Variants in LINGO2 observed in about 807,000 individuals in gnomAD.
LINGO2 encodes leucine rich repeat and Ig domain containing 2, also known as leucine-rich repeat and immunoglobulin-like domain-containing nogo receptor-interacting protein 2.
Under a neutral mutation model 30.6 loss-of-function variants are expected in LINGO2, and 14 were observed. The observed-to-expected ratio is 0.46, with a 90% CI of 0.30 to 0.72. The LOEUF (loss-of-function observed/expected upper bound fraction) is 0.72, where lower values mean the gene tolerates loss of function less well. LINGO2 is among the 30% of genes least tolerant of loss of function. The pLI is 0.07. For synonymous variants in LINGO2, 317 were observed against 288.5 expected, an observed-to-expected ratio of 1.10 and a Z score of -1.00; for missense variants, 729 against 751.7, an observed-to-expected ratio of 0.97 and a Z score of 0.35.
chr9:28,030,152 GA>G (rs953593140), intron 4 of LINGO2, among the ~76,000 whole-genome samples: 3 of 152,152 alleles, frequency 2.0e-5, no homozygotes, highest in African/African-American at 7.2e-5. Context: ...TTATAGGGAA[GA>G]ATCAAACACT....
the LINGO2 span, among the ~76,000 whole-genome samples, chr9:28,766,581 C>T: frequency 2.6e-5 from 4 of 151,898 alleles, no homozygotes; most frequent in African/African-American, 9.7e-5. Flanking sequence ...TGAATATGTA[C>T]CCCAAAGGAG....
intron 5 of LINGO2, among the ~76,000 whole-genome samples, chr9:28,010,446 AT>A (rs1822497652): frequency 6.6e-6 from 1 of 152,132 alleles, no homozygotes; most frequent in Admixed American, 6.5e-5. Context: ...TTTTTCAAGC[AT>A]TATAATCCCT....
intron 4 of LINGO2, among the ~76,000 whole-genome samples, chr9:28,065,315 T>G (rs1825280429): frequency 6.6e-6 from 1 of 152,098 alleles, no homozygotes; most frequent in Non-Finnish European, 1.5e-5. Flanking sequence ...ATCCCCAGTC[T>G]CTAGAACAAT....
At chr9:28,918,691 T>C in the LINGO2 span, among the ~76,000 whole-genome samples, 1 of 152,198 alleles carries the variant, frequency 6.6e-6, no homozygotes, top group Non-Finnish European at 1.5e-5. Flanking sequence ...AACATATATT[T>C]CAACGTATGC....
Position 28,057,728 on chromosome 9 carries a change from C to G in LINGO2, c.-86-45323G>C, listed in dbSNP as rs575357899. Among the ~76,000 whole-genome samples the G allele has an allele frequency of 2.2e-4, 33 of 151,638 alleles. No homozygotes were observed. The South Asian group carries it at 6.7e-3, about 31-fold the overall frequency. ...GATCAAGAATACGTTCATGTTAACACCAGCTTTTCCACTGCCTACCTGCTT... is the reference window on the plus strand; with the variant it reads ...GATCAAGAATACGTTCATGTTAACAGCAGCTTTTCCACTGCCTACCTGCTT... On this transcript the variant is annotated intron_variant, in intron 4 of 5. Coordinates refer to ENST00000379992, the Ensembl canonical transcript of LINGO2.
intron 2 of LINGO2, among the ~76,000 whole-genome samples, chr9:28,444,733 C>T (rs997567391): frequency 6.6e-6 from 1 of 152,204 alleles, no homozygotes; most frequent in African/African-American, 2.4e-5. Context: ...GGAGCCAGCA[C>T]CTGTGCCGGT....
intron 5 of LINGO2, among the ~76,000 whole-genome samples, chr9:27,956,390 CTT>C (rs1464497222): frequency 6.6e-6 from 1 of 152,148 alleles, no homozygotes; most frequent in Non-Finnish European, 1.5e-5. Flanking sequence ...ATTTTTCTCA[CTT>C]TTAATTGCAT....
At chr9:28,236,910 C>T (rs1282881647) in intron 4 of LINGO2, among the ~76,000 whole-genome samples, 1 of 152,012 alleles carries the variant, frequency 6.6e-6, no homozygotes, top group Non-Finnish European at 1.5e-5. Context: ...GTTTGTAACA[C>T]AAAGGACAAT....
At chr9:28,278,396 T>A (rs551982133) in intron 4 of LINGO2, among the ~76,000 whole-genome samples, 1 of 152,312 alleles carries the variant, frequency 6.6e-6, no homozygotes, top group African/African-American at 2.4e-5. Flanking sequence ...AGGATTTTCA[T>A]AGCTAGAGAG....
At chr9:28,301,924 C>G (rs1197366831) in intron 3 of LINGO2, among the ~76,000 whole-genome samples, 1 of 152,102 alleles carries the variant, frequency 6.6e-6, no homozygotes, top group Non-Finnish European at 1.5e-5. Context: ...GGCCTATATT[C>G]AACATTCTTA....
At chr9:28,434,590 G>T (rs1223511008) in intron 2 of LINGO2, among the ~76,000 whole-genome samples, 1 of 149,910 alleles carries the variant, frequency 6.7e-6, no homozygotes, top group East Asian at 1.9e-4. Context: ...TATCCTTCCT[G>T]TAATTGGCTT....
chr9:28,685,688 T>A, the LINGO2 span, among the ~76,000 whole-genome samples: 1 of 152,292 alleles, frequency 6.6e-6, no homozygotes, highest in East Asian at 1.9e-4. Flanking sequence ...TAAAACTCCT[T>A]ACAGTAAAAT....
chr9:27,984,996 A>G (rs1046853274), intron 5 of LINGO2, among the ~76,000 whole-genome samples: 7 of 151,030 alleles, frequency 4.6e-5, no homozygotes, highest in African/African-American at 1.5e-4. Flanking sequence ...GTTGAACTGA[A>G]GTAAGCACTT....
intron 5 of LINGO2, among the ~76,000 whole-genome samples, chr9:27,959,865 G>T (rs538010636): frequency 6.6e-6 from 1 of 152,070 alleles, no homozygotes; most frequent in Non-Finnish European, 1.5e-5. Context: ...TGAGAAATGG[G>T]TATTAAAATC....
At chr9:28,682,465 C>T in the LINGO2 span, among the ~76,000 whole-genome samples, 1 of 152,050 alleles carries the variant, frequency 6.6e-6, no homozygotes, top group East Asian at 1.9e-4. Context: ...TCTTTTAGAC[C>T]TTCTACATGG....
intron 4 of LINGO2, among the ~76,000 whole-genome samples, chr9:28,159,831 G>A (rs1828236491): frequency 6.6e-6 from 1 of 152,122 alleles, no homozygotes; most frequent in Non-Finnish European, 1.5e-5. Context: ...TTTTATGATT[G>A]AATATAGTTC....
chr9:28,388,065 G>C (rs1821668559), intron 2 of LINGO2, among the ~76,000 whole-genome samples: 1 of 152,078 alleles, frequency 6.6e-6, no homozygotes. Flanking sequence ...ACCCACCAAA[G>C]GTATAAAATA....
chr9:28,659,748 C>G (rs1454784098), intron 1 of LINGO2, among the ~76,000 whole-genome samples: 2 of 152,208 alleles, frequency 1.3e-5, no homozygotes, highest in Admixed American at 6.6e-5. Context: ...CATGCTTGGC[C>G]AATGGCTGAC....
chr9:29,116,029 G>A, the LINGO2 span, among the ~76,000 whole-genome samples: 1 of 151,926 alleles, frequency 6.6e-6, no homozygotes, highest in African/African-American at 2.4e-5. Context: ...GGTTTGGGCT[G>A]ACTCAGGAGT....
Sources: gnomAD v4.1 joint callset for allele counts (sites outside exome capture counted in the v4.1 genomes callset) on GRCh38, gnomAD v4.1.1 for gene constraint, MANE v1.5 for transcripts, NCBI Gene and HGNC (gene_info 2026-07-23, HGNC 2026-07-21) for gene names.